Variants in VPS72 observed in about 807,000 individuals in gnomAD.
VPS72 encodes the protein vacuolar protein sorting 72 homolog.
Under a neutral mutation model 38.9 loss-of-function variants are expected in VPS72, and 27 were observed. That is an observed-to-expected ratio of 0.69 (90% CI 0.51 to 0.96). The LOEUF (loss-of-function observed/expected upper bound fraction) is 0.96. Among genes scored for constraint, VPS72 ranks in the 40% least tolerant of loss-of-function variants. VPS72 has a pLI of 0.00. For synonymous variants in VPS72, 173 were observed against 186.3 expected, an observed-to-expected ratio of 0.93 and a Z score of 0.58; for missense variants, 360 against 479.5, an observed-to-expected ratio of 0.75 and a Z score of 2.33.
At chr1:151,183,394 C>A (rs587703821) in intron 4 of VPS72, among the ~76,000 whole-genome samples, 3 of 131,160 alleles carry the variant, frequency 2.3e-5, no homozygotes, top group African/African-American at 8.7e-5. Flanking sequence ...TGCACTCCAG[C>A]CTGGGCGACA....
chr1:151,189,002 G>A (rs1030236028), intron 1 of VPS72, among the ~76,000 whole-genome samples: 1 of 152,050 alleles, frequency 6.6e-6, no homozygotes, highest in Non-Finnish European at 1.5e-5. Flanking sequence ...GCTAATTTTT[G>A]TATTTTAATA....
chr1:151,186,207 T>C (rs758759460), intron 1 of VPS72, among the ~76,000 whole-genome samples: 3 of 152,084 alleles, frequency 2.0e-5, no homozygotes, highest in Non-Finnish European at 4.4e-5. Flanking sequence ...TGGTTTGGTC[T>C]CTACCTTCAG....
Position 151,190,132 on chromosome 1 carries a change from G to T in VPS72, c.-11C>A. ...CCCAGCCAAACTCATACCGCCTACC[G>T]AGACTGCGCCGCCACCTGCAGCCCC... On this transcript the variant is annotated 5_prime_UTR_variant, in exon 1 of 6. Coordinates refer to ENST00000368892, the MANE Select transcript of VPS72 (RefSeq NM_005997.3). 1 of 1,612,080 alleles carries T rather than the reference G, an allele frequency of 6.2e-7. No homozygotes were observed.
At chr1:151,185,403 G>C in intron 3 of VPS72, 103 bp downstream of exon 3, 1 of 1,166,434 alleles carries the variant, frequency 8.6e-7, no homozygotes, top group South Asian at 1.3e-5. Context: ...TGGGATTCTA[G>C]GAGTGAGCCA....
intron 4 of VPS72, among the ~76,000 whole-genome samples, chr1:151,183,611 G>A (rs1280631444): frequency 6.6e-6 from 1 of 150,738 alleles, no homozygotes; most frequent in East Asian, 2.0e-4. Flanking sequence ...ACAGACATGC[G>A]CCACCATGCC....
chr1:151,185,756 A>T, intron 2 of VPS72, 42 bp downstream of exon 2: 1 of 1,612,300 alleles, frequency 6.2e-7, no homozygotes, highest in Non-Finnish European at 8.5e-7. Flanking sequence ...AAGAGAGAAT[A>T]GGAATTGAGG....
chr1:151,181,847 C>T (rs183772481), intron 4 of VPS72, among the ~76,000 whole-genome samples: 13 of 152,270 alleles, frequency 8.5e-5, no homozygotes, highest in Admixed American at 3.3e-4. Flanking sequence ...TGAGAACCTC[C>T]GCCATGCCCT....
Position 151,176,887 on chromosome 1 carries a change from T to C in VPS72, c.852A>G (p.Pro284=). 6.2e-7 allele frequency: 1 copy of C among 1,614,108 alleles called. No individual in the cohort carries two copies. The highest frequency in any genetic ancestry group is 8.5e-7 in the Non-Finnish European group (1 of 1,180,016). Residue 284 remains proline (P), a synonymous_variant, in exon 6 of 6, where the codon CCA becomes CCG. Transcript: ENST00000368892. ...FEEWFPQGRP[P]KVPVREVCPV... ...GACAGACCTCACGAACAGGGACTTT[T>C]GGGGGCCGCCCTTGGGGGAACCATT...
In VPS72 at chr1:151,190,096, G is replaced by A; in HGVS notation, c.26C>T (p.Pro9Leu). The stretch of plus-strand genomic sequence containing the variant: ...AAGCCGGTTCCCAGCGGTCTTCCGG[G>A]GTGCCCGGCCCCCAGCCAAACTCAT... MSLAGGRA[P>L]RKTAGNRLSG... The change falls in exon 1 of 6, where the codon CCC (proline) becomes CTC (leucine). Residue 9 changes from proline to leucine, a missense_variant. Physicochemically the swap from Pro to Leu is moderately conservative, Grantham distance 98. Around this residue, in one of 2 missense-constraint regions of VPS72, gnomAD observed 66 missense variants for 123.1 expected, o/e 0.54. Transcript: ENST00000368892. 1 of 1,614,020 alleles carries A rather than the reference G, an allele frequency of 6.2e-7. No homozygotes were observed. The highest frequency in any genetic ancestry group is 1.3e-5 in the African/African-American group (1 of 75,008).
intron 3 of VPS72, 150 bp from the exon 4 acceptor site, chr1:151,184,643 T>A: frequency 2.3e-6 from 2 of 870,336 alleles, no homozygotes; most frequent in Non-Finnish European, 3.3e-6. Context: ...TGGAGTACAG[T>A]GGCACGATCT....
At chr1:151,186,287 G>A (rs981857663) in intron 1 of VPS72, among the ~76,000 whole-genome samples, 1 of 151,786 alleles carries the variant, frequency 6.6e-6, no homozygotes. Flanking sequence ...GAACAGGCTT[G>A]GTGGCTCACG....
In VPS72 at chr1:151,176,835, G is replaced by A. The variant is rs933770567; in HGVS notation, c.904C>T (p.Arg302Trp). The change falls in exon 6 of 6, where the codon CGG (arginine) becomes TGG (tryptophan). Residue 302 changes from arginine (R) to tryptophan (W), a missense_variant. By Grantham distance (101) the Arg-to-Trp change is moderately radical. Coordinates refer to ENST00000368892, the MANE Select transcript of VPS72 (RefSeq NM_005997.3). The stretch of plus-strand genomic sequence containing the variant: ...TAGGGTATGTCTGTAACAGGGTCCC[G>A]GTATAGGGCTGGACGATGGGTCACT... The part of the protein sequence containing the change: ...CPVTHRPALY[R>W]DPVTDIPYAT... 1.1e-5 allele frequency: 17 copies of A among 1,614,026 alleles called. No homozygotes were observed. Among genetic ancestry groups the A allele is most frequent in the East Asian group, 2.2e-5 (1 of 44,900 alleles).
chr1:151,185,893 A>G lies in VPS72; in HGVS notation c.175T>C (p.Ser59Pro). Residue 59 changes from serine (S) to proline (P), a missense_variant, in exon 2 of 6, where the codon TCT (serine) becomes CCT (proline). By Grantham distance (74) the Ser-to-Pro change is moderately conservative. Transcript: ENST00000368892. ...DQSDTEDEVDSDFDIDEGDEP... is the reference protein window; with the variant it reads ...DQSDTEDEVDPDFDIDEGDEP... Reference sequence around the variant, plus strand: ...TCCCCTTCATCAATGTCAAAGTCAGAGTCCACTTCGTCCTCTGTGTCTGAC... The same window carrying G: ...TCCCCTTCATCAATGTCAAAGTCAGGGTCCACTTCGTCCTCTGTGTCTGAC... 6.2e-7 allele frequency: 1 copy of G among 1,614,122 alleles called. No homozygotes were observed. Among genetic ancestry groups the G allele is most frequent in the Non-Finnish European group, 8.5e-7 (1 of 1,180,010 alleles).
At chr1:151,178,973 A>G (rs894168193) in intron 4 of VPS72, among the ~76,000 whole-genome samples, 6 of 152,202 alleles carry the variant, frequency 3.9e-5, no homozygotes, top group Admixed American at 2.0e-4. Context: ...CACTCATTAA[A>G]TATTTGTTAA....
At chr1:151,184,590 CTT>C (rs760266564) in intron 3 of VPS72, 97 bp from the exon 4 acceptor site, 2,456 of 1,001,026 alleles carry the variant, frequency 2.5e-3, no homozygotes, top group South Asian at 3.3e-3. Flanking sequence ...ATTTTTTTTT[CTT>C]TTTTTTTTTT....
chr1:151,190,058 C>T lies in VPS72; in HGVS notation c.64G>A (p.Glu22Lys), dbSNP rs1209512973. 3.7e-6 allele frequency: 6 copies of T among 1,614,046 alleles called. No individual in the cohort carries two copies. The Admixed American group carries it at 6.7e-5, about 18-fold the overall frequency. ...TAGNRLSGLL[E>K]AEEEDEFYQT... ...TAGAACTCATCTTCCTCCTCTGCCTCCAAAAGCCCAGAAAGCCGGTTCCCA... is the reference window on the plus strand; with the variant it reads ...TAGAACTCATCTTCCTCCTCTGCCTTCAAAAGCCCAGAAAGCCGGTTCCCA... The change falls in exon 1 of 6, where the codon GAG (glutamate) becomes AAG (lysine). Residue 22 changes from glutamate (E) to lysine (K), a missense_variant. Around this residue, in one of 2 missense-constraint regions of VPS72, gnomAD observed 66 missense variants for 123.1 expected, o/e 0.54. Transcript: ENST00000368892.
intron 4 of VPS72, among the ~76,000 whole-genome samples, chr1:151,180,744 C>G (rs1017308018): frequency 3.3e-5 from 5 of 152,106 alleles, no homozygotes; most frequent in African/African-American, 9.7e-5. Flanking sequence ...CCCAACCCCT[C>G]TACTTTCAAA....
intron 1 of VPS72, among the ~76,000 whole-genome samples, chr1:151,187,507 C>T (rs1684377591): frequency 6.6e-6 from 1 of 152,204 alleles, no homozygotes; most frequent in African/African-American, 2.4e-5. Context: ...AGATCAACCA[C>T]ACATTAGCTT....
At chr1:151,180,156 T>C (rs910265924) in intron 4 of VPS72, among the ~76,000 whole-genome samples, 1 of 151,426 alleles carries the variant, frequency 6.6e-6, no homozygotes, top group Non-Finnish European at 1.5e-5. Flanking sequence ...CTGTCTCTAC[T>C]AATAATACAA....
Sources: allele counts gnomAD v4.1 joint callset (sites outside exome capture counted in the v4.1 genomes callset), GRCh38; gene constraint gnomAD v4.1.1; regional missense constraint gnomAD v4.1.1; transcripts MANE v1.5; gene names NCBI Gene and HGNC (gene_info 2026-07-23, HGNC 2026-07-21).